CD53: variants seen among roughly 807,000 people sequenced by gnomAD.
The protein encoded by CD53 is CD53 molecule.
CD53 carries 20 observed loss-of-function variants against 27.3 expected under a neutral mutation model. That is an observed-to-expected ratio of 0.73 (90% CI 0.52 to 1.07). The LOEUF is 1.07. Ranked by LOEUF, CD53 falls within the 50% of genes least tolerant of loss-of-function variation. The pLI is 0.00. For missense variants in CD53, 216 were observed against 264.0 expected, an observed-to-expected ratio of 0.82 and a Z score of 1.26; for synonymous variants, 106 against 105.3, an observed-to-expected ratio of 1.01 and a Z score of -0.04.
At chr1:110,892,207 T>G in intron 2 of CD53, 138 bp from the exon 3 acceptor site, 1 of 720,050 alleles carries the variant, frequency 1.4e-6, no homozygotes, top group East Asian at 2.6e-5. Flanking sequence ...TGGAAAAGTT[T>G]GGTAAAGAAA....
intron 2 of CD53, 152 bp from the exon 3 acceptor site, chr1:110,892,193 A>T: frequency 2.9e-6 from 2 of 680,988 alleles, no homozygotes; most frequent in South Asian, 3.4e-5. Flanking sequence ...CTCCAATGTA[A>T]GCATGGAAAA....
chr1:110,874,753 C>T (rs1223674512), intron 1 of CD53, among the ~76,000 whole-genome samples: 1 of 152,190 alleles, frequency 6.6e-6, no homozygotes, highest in East Asian at 1.9e-4. Context: ...GTTACCACCA[C>T]CTAAGTGACC....
intron 1 of CD53, among the ~76,000 whole-genome samples, chr1:110,886,635 G>A (rs1303275244): frequency 2.0e-5 from 3 of 151,754 alleles, no homozygotes; most frequent in Non-Finnish European, 4.4e-5. Context: ...GGTCACTTGA[G>A]GTCAGGCATG....
intron 1 of CD53, among the ~76,000 whole-genome samples, chr1:110,885,295 A>C (rs1656531844): frequency 6.6e-6 from 1 of 152,256 alleles, no homozygotes; most frequent in Admixed American, 6.5e-5. Flanking sequence ...TCACGCCTGT[A>C]ATCCCAGCAC....
chr1:110,873,837 C>A (rs796957806), intron 1 of CD53, among the ~76,000 whole-genome samples: 8 of 152,282 alleles, frequency 5.3e-5, no homozygotes, highest in African/African-American at 1.9e-4. Flanking sequence ...CTAAAGGATG[C>A]ATAGATTGTT....
At position 110,899,216 on chromosome 1, in the gene CD53, AAG is replaced by A. The variant is rs762312512; in HGVS notation, c.*25_*26del. 10 of 1,570,282 alleles carry A rather than the reference AAG, an allele frequency of 6.4e-6. No homozygotes were observed. The East Asian group carries it at 2.2e-4, about 35-fold the overall frequency. On this transcript the variant is annotated 3_prime_UTR_variant, in exon 8 of 8. Coordinates refer to ENST00000271324, the MANE Select transcript of CD53 (RefSeq NM_000560.4). ...TATGATCTGCAGTAGTCCTGTGGTG[AAG>A]AGACTTGTTTCATCTCCGGAAATGC...
intron 1 of CD53, among the ~76,000 whole-genome samples, chr1:110,876,578 G>T (rs901736402): frequency 6.6e-6 from 1 of 152,044 alleles, no homozygotes; most frequent in Admixed American, 6.6e-5. Flanking sequence ...ACTTGTTAAA[G>T]TTTACTTGTT....
intron 1 of CD53, among the ~76,000 whole-genome samples, chr1:110,886,730 C>T (rs1442197291): frequency 1.3e-5 from 2 of 151,356 alleles, no homozygotes; most frequent in African/African-American, 2.4e-5. Flanking sequence ...GTGCTGTGGT[C>T]CCAGCTACTC....
intron 1 of CD53, among the ~76,000 whole-genome samples, chr1:110,889,158 A>T (rs1447664060): frequency 6.6e-6 from 1 of 152,204 alleles, no homozygotes; most frequent in Non-Finnish European, 1.5e-5. Context: ...ATTTATTCAT[A>T]GATGTGTCTT....
intron 1 of CD53, among the ~76,000 whole-genome samples, chr1:110,875,911 A>G (rs977275974): frequency 6.6e-6 from 1 of 152,242 alleles, no homozygotes; most frequent in African/African-American, 2.4e-5. Flanking sequence ...ACTGAGAGTT[A>G]GAGGTGAGTG....
At chr1:110,879,816 C>A (rs1394181833) in intron 1 of CD53, among the ~76,000 whole-genome samples, 1 of 152,124 alleles carries the variant, frequency 6.6e-6, no homozygotes, top group African/African-American at 2.4e-5. Flanking sequence ...GCTTCTCCCA[C>A]CTCAGCTTCC....
chr1:110,876,594 A>G (rs1656138527), intron 1 of CD53, among the ~76,000 whole-genome samples: 1 of 152,154 alleles, frequency 6.6e-6, no homozygotes, highest in Non-Finnish European at 1.5e-5. Context: ...TTGTTAAAGT[A>G]AATTTGAACT....
chr1:110,880,782 G>A (rs999049167), intron 1 of CD53, among the ~76,000 whole-genome samples: 1 of 152,060 alleles, frequency 6.6e-6, no homozygotes, highest in Admixed American at 6.6e-5. Context: ...TTCTAGTGAG[G>A]GAATAGTCAC....
intron 1 of CD53, among the ~76,000 whole-genome samples, chr1:110,884,851 AT>A (rs35838394): frequency 0.96 from 146,422 of 151,806 alleles, 70,854 homozygotes; most frequent in East Asian, 1. Flanking sequence ...TTTTAAATGC[AT>A]TTTTTTGTAA....
At chr1:110,889,589 A>AATAG (rs1002302132) in intron 1 of CD53, among the ~76,000 whole-genome samples, 4 of 151,822 alleles carry the variant, frequency 2.6e-5, no homozygotes, top group Admixed American at 6.6e-5. Flanking sequence ...TAAATAAATA[A>AATAG]AGACTAAATA....
intron 2 of CD53, among the ~76,000 whole-genome samples, chr1:110,891,823 AT>A (rs1395629670): frequency 2.0e-5 from 3 of 152,226 alleles, no homozygotes; most frequent in African/African-American, 4.8e-5. Flanking sequence ...CCTTGAAACA[AT>A]AAGTGATTGA....
chr1:110,876,265 C>A (rs557399519), intron 1 of CD53, among the ~76,000 whole-genome samples: 224 of 152,250 alleles, frequency 1.5e-3, no homozygotes, highest in Non-Finnish European at 2.5e-3. Context: ...TCTTCTGATT[C>A]TCTATGGCAT....
At chr1:110,880,009 A>G (rs1261378937) in intron 1 of CD53, among the ~76,000 whole-genome samples, 1 of 152,236 alleles carries the variant, frequency 6.6e-6, no homozygotes, top group Non-Finnish European at 1.5e-5. Context: ...CTACCAGCTC[A>G]AGCCCATTGG....
intron 1 of CD53, among the ~76,000 whole-genome samples, chr1:110,877,633 C>A (rs1449983282): frequency 6.6e-6 from 1 of 152,154 alleles, no homozygotes; most frequent in Non-Finnish European, 1.5e-5. Flanking sequence ...TTTTCTTCTT[C>A]CTTATTTCTC....
Sources: allele counts gnomAD v4.1 joint callset (sites outside exome capture counted in the v4.1 genomes callset), GRCh38; gene constraint gnomAD v4.1.1; transcripts MANE v1.5; gene names NCBI Gene and HGNC (gene_info 2026-07-23, HGNC 2026-07-21).